The following PTPRK variants were observed in gnomAD, a reference collection of about 807,000 sequenced individuals.
The protein encoded by PTPRK is receptor-type tyrosine-protein phosphatase kappa.
A neutral mutation model predicts 178.0 loss-of-function variants in PTPRK; 75 were observed. The observed-to-expected ratio is 0.42, with a 90% CI of 0.35 to 0.51. The LOEUF (loss-of-function observed/expected upper bound fraction) is 0.51. PTPRK is among the 20% of genes least tolerant of loss of function. PTPRK has a pLI of 0.02. For synonymous variants in PTPRK, 637 were observed against 620.6 expected, an observed-to-expected ratio of 1.03 and a Z score of -0.39; for missense variants, 1,441 against 1,797.8, an observed-to-expected ratio of 0.80 and a Z score of 3.59.
chr6:128,328,215 C>T (rs551659484), intron 2 of PTPRK, among the ~76,000 whole-genome samples: 373 of 152,252 alleles, frequency 2.4e-3, no homozygotes, highest in African/African-American at 8.6e-3. Context: ...AACACTGTGC[C>T]AGCTGTAAAG....
intron 7 of PTPRK, among the ~76,000 whole-genome samples, chr6:128,173,779 A>C (rs1242460592): frequency 6.6e-6 from 1 of 151,954 alleles, no homozygotes; most frequent in Admixed American, 6.6e-5. Context: ...GCTTCGGTTC[A>C]AGTACTGATC....
intron 1 of PTPRK, among the ~76,000 whole-genome samples, chr6:128,427,000 T>A (rs1012557831): frequency 2.0e-5 from 3 of 152,188 alleles, no homozygotes; most frequent in African/African-American, 7.2e-5. Flanking sequence ...TTTCAAAACA[T>A]AACACATGAA....
At chr6:128,053,449 C>A (rs1467655081) in intron 13 of PTPRK, among the ~76,000 whole-genome samples, 1 of 152,056 alleles carries the variant, frequency 6.6e-6, no homozygotes, top group Non-Finnish European at 1.5e-5. Context: ...GACTCCCCAC[C>A]CCCAAGCTCT....
chr6:128,179,107 T>A (rs542472235), intron 7 of PTPRK, among the ~76,000 whole-genome samples: 5 of 152,068 alleles, frequency 3.3e-5, no homozygotes, highest in African/African-American at 1.2e-4. Context: ...AAAAATATCA[T>A]TAATGTTTAC....
intron 13 of PTPRK, among the ~76,000 whole-genome samples, chr6:128,024,115 A>G (rs1313926613): frequency 6.6e-6 from 1 of 152,234 alleles, no homozygotes; most frequent in East Asian, 1.9e-4. Context: ...AAATATTCCA[A>G]GTCATCACAG....
At position 128,135,094 on chromosome 6, in the gene PTPRK, A is replaced by ACACT. The variant is rs539750063; in HGVS notation, c.1163-45103_1163-45102insAGTG. Reference sequence around the variant, plus strand: ...ATCATTCAATCACACACACACACACACACACACACACACACACACACTCTC... The same window carrying ACACT: ...ATCATTCAATCACACACACACACACACACTCACACACACACACACACACACTCTC... On this transcript the variant is annotated intron_variant, in intron 7 of 29. Coordinates refer to ENST00000368226, the MANE Select transcript of PTPRK (RefSeq NM_002844.4). 1.6e-3 allele frequency among the ~76,000 whole-genome samples: 236 copies of ACACT among 151,926 alleles called. 1 individual carries two copies. Among genetic ancestry groups the ACACT allele is most frequent in the African/African-American group, 5.6e-3 (230 of 41,416 alleles).
intron 3 of PTPRK, among the ~76,000 whole-genome samples, chr6:128,315,658 G>A (rs1346747977): frequency 6.6e-6 from 1 of 152,066 alleles, no homozygotes; most frequent in African/African-American, 2.4e-5. Flanking sequence ...TAGATTCTAT[G>A]TAATATTATG....
At chr6:128,018,911 G>T (rs575386710) in intron 13 of PTPRK, among the ~76,000 whole-genome samples, 73 of 152,148 alleles carry the variant, frequency 4.8e-4, no homozygotes, top group African/African-American at 1.7e-3. Flanking sequence ...ATTGTACTAG[G>T]CTAAAAAACC....
intron 1 of PTPRK, among the ~76,000 whole-genome samples, chr6:128,507,737 T>C (rs890227807): frequency 6.6e-6 from 1 of 152,134 alleles, no homozygotes; most frequent in Non-Finnish European, 1.5e-5. Context: ...GGATTATGCA[T>C]GTGAATATTC....
chr6:128,167,849 T>C (rs1199417203), intron 7 of PTPRK, among the ~76,000 whole-genome samples: 2 of 152,040 alleles, frequency 1.3e-5, no homozygotes, highest in African/African-American at 4.8e-5. Flanking sequence ...CAAATTCAAT[T>C]TAGGACTAAT....
At chr6:128,392,908 T>C (rs1839797660) in intron 2 of PTPRK, among the ~76,000 whole-genome samples, 1 of 152,152 alleles carries the variant, frequency 6.6e-6, no homozygotes, top group Admixed American at 6.5e-5. Flanking sequence ...CTCAATATAA[T>C]GTTTGGTAAA....
At position 128,457,169 on chromosome 6, in the gene PTPRK, A is replaced by G. The variant is rs1163914728; in HGVS notation, c.101-59481T>C. Among the ~76,000 whole-genome samples the G allele has an allele frequency of 3.3e-5, 5 of 152,248 alleles. No homozygotes were observed. The East Asian group carries it at 9.6e-4, about 29-fold the overall frequency. ...GCCAAAATATGAGGTAATATTCAAA[A>G]TTTACATTATTATAAAAATCTGAGT... On this transcript the variant is annotated intron_variant, in intron 1 of 29. Transcript: ENST00000368226.
chr6:128,418,741 T>A (rs1473458860), intron 1 of PTPRK, among the ~76,000 whole-genome samples: 1 of 152,174 alleles, frequency 6.6e-6, no homozygotes, highest in Admixed American at 6.5e-5. Context: ...AGAACACTAC[T>A]AAAAGCAGCA....
At chr6:128,140,577 G>A (rs1795635310) in intron 7 of PTPRK, among the ~76,000 whole-genome samples, 1 of 151,856 alleles carries the variant, frequency 6.6e-6, no homozygotes, top group Non-Finnish European at 1.5e-5. Flanking sequence ...AAAATTTATA[G>A]AAAAATTTTT....
intron 1 of PTPRK, among the ~76,000 whole-genome samples, chr6:128,495,611 A>G (rs1413210685): frequency 6.6e-6 from 1 of 152,046 alleles, no homozygotes; most frequent in Non-Finnish European, 1.5e-5. Context: ...CTCTCACCCT[A>G]CAGTCACTTA....
intron 1 of PTPRK, among the ~76,000 whole-genome samples, chr6:128,483,595 G>A (rs1398664996): frequency 1.3e-5 from 2 of 152,000 alleles, no homozygotes; most frequent in African/African-American, 4.8e-5. Flanking sequence ...ACATAGTAAT[G>A]GAACTCTAAT....
In PTPRK at chr6:128,011,024, G is replaced by A. The variant is rs913573647; in HGVS notation, c.2195-1756C>T. On this transcript the variant is annotated intron_variant, in intron 13 of 29. Coordinates refer to ENST00000368226, the MANE Select transcript of PTPRK (RefSeq NM_002844.4). Reference sequence around the variant, plus strand: ...GAGATCTTTTCCTTTCCAGGGCGACGTTAGAAATATATACATATATCTATA... The same window carrying A: ...GAGATCTTTTCCTTTCCAGGGCGACATTAGAAATATATACATATATCTATA... Among the ~76,000 whole-genome samples the A allele has an allele frequency of 3.3e-5, 5 of 151,216 alleles. No homozygotes were observed. In the East Asian group the frequency reaches 5.8e-4, roughly 18 times the overall value.
intron 1 of PTPRK, among the ~76,000 whole-genome samples, chr6:128,412,137 A>G (rs1842375489): frequency 6.6e-6 from 1 of 152,356 alleles, no homozygotes; most frequent in East Asian, 1.9e-4. Flanking sequence ...TCTTTCTATG[A>G]GATGGAGTGT....
Position 128,407,654 on chromosome 6 carries a change from AAGAAG to A in PTPRK, c.101-9971_101-9967del, listed in dbSNP as rs1420074427. ...CTATCAAAAAAAAAAAAAAAAAAAAAAGAAGAAGAAGAAGAAGAAGAAAGAAAAAA... is the reference window on the plus strand; with the variant it reads ...CTATCAAAAAAAAAAAAAAAAAAAAAAAGAAGAAGAAGAAGAAAGAAAAAA... On this transcript the variant is annotated intron_variant, in intron 1 of 29. Coordinates refer to ENST00000368226, the MANE Select transcript of PTPRK (RefSeq NM_002844.4). Among the ~76,000 whole-genome samples, 828 of 122,468 alleles carry A rather than the reference AAGAAG, an allele frequency of 6.8e-3. 6 individuals carry two copies. The highest frequency in any genetic ancestry group is 0.023 in the African/African-American group (747 of 32,764). 80.3% of individuals were successfully genotyped at this position (122,468 alleles called of 152,430 possible).
Sources: gnomAD v4.1 joint callset for allele counts (sites outside exome capture counted in the v4.1 genomes callset) on GRCh38, gnomAD v4.1.1 for gene constraint, MANE v1.5 for transcripts, NCBI Gene and HGNC (gene_info 2026-07-23, HGNC 2026-07-21) for gene names.